WBP11: variants seen among roughly 807,000 people sequenced by gnomAD.
The protein encoded by WBP11 is WW domain-binding protein 11.
A neutral mutation model predicts 66.7 loss-of-function variants in WBP11; 12 were observed. The ratio of observed to expected loss-of-function variants is 0.18; its 90% CI spans 0.12 to 0.29. WBP11 has a LOEUF of 0.29. Among genes scored for constraint, WBP11 ranks in the 10% least tolerant of loss-of-function variants. WBP11 has a pLI of 1.00. For synonymous variants in WBP11, 255 were observed against 273.8 expected (o/e 0.93, Z 0.68); for missense variants, 555 against 818.3 (o/e 0.68, Z 3.93).
intron 3 of WBP11, among the ~76,000 whole-genome samples, chr12:14,800,503 C>A (rs1949949800): frequency 6.6e-6 from 1 of 151,852 alleles, no homozygotes; most frequent in African/African-American, 2.4e-5. Context: ...GAATTATTTT[C>A]AAAAGTATTT....
Position 14,799,413 on chromosome 12 carries a change from C to T in WBP11, c.190+222G>A, listed in dbSNP as rs188400998. ...TCTGTTATCTCACAATAACAATTAA[C>T]TGAAAGCCAAATAATCGCTTCCCTC... On this transcript the variant is annotated intron_variant, in intron 4 of 11. Transcript: ENST00000261167. 6.6e-4 allele frequency: 237 copies of T among 361,812 alleles called. 1 individual carries two copies. Among genetic ancestry groups the T allele is most frequent in the African/African-American group, 4.8e-3 (226 of 47,416 alleles). The allele number at this position is 361,812 out of a possible 1,614,324, so 22.4% of individuals were successfully genotyped here. A position where few individuals can be genotyped will look rare whatever the true frequency, so the allele number is the denominator to read the frequency against.
chr12:14,795,355 G>T (rs569596409), intron 5 of WBP11, among the ~76,000 whole-genome samples: 1 of 152,230 alleles, frequency 6.6e-6, no homozygotes, highest in Non-Finnish European at 1.5e-5. Context: ...CTTTTTGGAT[G>T]ATTCGAAACA....
chr12:14,794,821 T>C, intron 6 of WBP11, 85 bp from the exon 7 acceptor site: 1 of 1,538,972 alleles, frequency 6.5e-7, no homozygotes, highest in Non-Finnish European at 8.7e-7. Flanking sequence ...TTCTAAACAA[T>C]TTTCAAGGGA....
At position 14,786,871 on chromosome 12, in the gene WBP11, TG is replaced by T. The variant is rs1258500486; in HGVS notation, c.*193del. The T allele has an allele frequency of 1.7e-6, 1 of 583,824 alleles. No homozygotes were observed. Among genetic ancestry groups the T allele is most frequent in the East Asian group, 2.9e-5 (1 of 34,524 alleles). The allele number at this position is 583,824 out of a possible 1,614,324, so 36.2% of individuals were successfully genotyped here. A position where few individuals can be genotyped will look rare whatever the true frequency, so the allele number is the denominator to read the frequency against. On this transcript the variant is annotated 3_prime_UTR_variant, in exon 12 of 12. Coordinates refer to ENST00000261167, the MANE Select transcript of WBP11 (RefSeq NM_016312.3). ...ATGTTAGCAGCACTGCTTCAATAAC[TG>T]ATCTATTCTGGATGAAATACCCTTT...
chr12:14,802,298 C>T (rs192401518), intron 1 of WBP11, among the ~76,000 whole-genome samples: 1 of 152,098 alleles, frequency 6.6e-6, no homozygotes, highest in Non-Finnish European at 1.5e-5. Flanking sequence ...GTAATAAAGG[C>T]GGACAAATTT....
chr12:14,802,933 T>C (rs1949983730), intron 1 of WBP11, among the ~76,000 whole-genome samples: 1 of 152,168 alleles, frequency 6.6e-6, no homozygotes, highest in Non-Finnish European at 1.5e-5. Flanking sequence ...CAGATTAGTT[T>C]TTTGTCTACA....
chr12:14,793,290 T>C (rs1208964025), intron 8 of WBP11, among the ~76,000 whole-genome samples: 1 of 152,216 alleles, frequency 6.6e-6, no homozygotes, highest in Non-Finnish European at 1.5e-5. Flanking sequence ...ATATGTTTCA[T>C]GATTCCACTC....
intron 1 of WBP11, among the ~76,000 whole-genome samples, chr12:14,802,526 A>T (rs572856841): frequency 3.9e-5 from 6 of 152,310 alleles, no homozygotes; most frequent in African/African-American, 1.4e-4. Context: ...AAAAATGGGG[A>T]CATCAATTAC....
chr12:14,801,088 A>G (rs562633901), intron 2 of WBP11: 1 of 467,898 alleles, frequency 2.1e-6, no homozygotes, highest in Non-Finnish European at 3.7e-6. Context: ...ATATAAAAAG[A>G]AAGATTTCAG....
At position 14,786,279 on chromosome 12, in the gene WBP11, T is replaced by C. The variant is rs950495059; in HGVS notation, c.*786A>G. The C allele has an allele frequency of 6.6e-6, 1 of 152,204 alleles. No homozygotes were observed. Among genetic ancestry groups the C allele is most frequent in the African/African-American group, 2.4e-5 (1 of 41,458 alleles). The allele number at this position is 152,204 out of a possible 1,614,324, so 9.4% of individuals were successfully genotyped here. On this transcript the variant is annotated 3_prime_UTR_variant, in exon 12 of 12. Transcript: ENST00000261167. The stretch of plus-strand genomic sequence containing the variant: ...CACCTCTCAGTTTCTCTAAAGCCAG[T>C]ATGACAATCTTAAAAAAGGGAAATA...
rs1428040652 is a variant in WBP11 at position 14,799,651 on chromosome 12, C to T, written c.174G>A (p.Glu58=). 3.2e-5 allele frequency: 52 copies of T among 1,613,346 alleles called. No individual in the cohort carries two copies. The highest frequency in any genetic ancestry group is 4.2e-5 in the Non-Finnish European group (49 of 1,179,608). ...KDPKQIIRDM[E]KLDEMEFNPV... ...AATTCTTACCCATTTCATCCAATTT[C>T]TCCATGTCTCGGATTATCTGTTTTG... The change falls in exon 4 of 12, where the codon GAG becomes GAA. Residue 58 remains glutamate, a synonymous_variant. Coordinates refer to ENST00000261167, the MANE Select transcript of WBP11 (RefSeq NM_016312.3).
At position 14,796,175 on chromosome 12, in the gene WBP11, CTTT is replaced by C. The variant is rs943207078; in HGVS notation, c.387+629_387+631del. 6.6e-6 allele frequency among the ~76,000 whole-genome samples: 1 copy of C among 151,488 alleles called. No homozygotes were observed. The highest frequency in any genetic ancestry group is 1.5e-5 in the Non-Finnish European group (1 of 67,928). ...TTTTTGAGATTTACTCACAATTTTT[CTTT>C]TTTTATTCCATGCTGTTTTGAGTAT... On this transcript the variant is annotated intron_variant, in intron 5 of 11. Transcript: ENST00000261167. The surrounding 1 kb of genome is among the most constrained non-coding windows in gnomAD (Gnocchi z 4.5).
In WBP11 at chr12:14,789,209, A is replaced by G. The variant is rs1949792815; in HGVS notation, c.1310-76T>C. 7 of 1,345,524 alleles carry G rather than the reference A, an allele frequency of 5.2e-6. No homozygotes were observed. The Middle Eastern group carries it at 9.3e-4, about 179-fold the overall frequency. 83.3% of individuals were successfully genotyped at this position (1,345,524 alleles called of 1,614,324 possible). A position where few individuals can be genotyped will look rare whatever the true frequency, so the allele number is the denominator to read the frequency against. On this transcript the variant is annotated intron_variant, in intron 10 of 11. Transcript: ENST00000261167. ...ATAATTATGGCTTAAAAGTAACTCA[A>G]ATATGGTTTGACTTTAACCTGAAAT...
At chr12:14,799,790 G>T in intron 3 of WBP11, 62 bp from the exon 4 acceptor site, 1 of 1,485,890 alleles carries the variant, frequency 6.7e-7, no homozygotes, top group Non-Finnish European at 9.2e-7. Context: ...ACTTCAACTT[G>T]CTTTAAGAAT....
In WBP11 at chr12:14,787,326, C is replaced by T; in HGVS notation, c.1665G>A (p.Glu555=). ...KADDTSAATI[E]KKATATISAK... ...CACTGATGGTTGCTGTGGCTTTCTT[C>T]TCAATGGTGGCTGCACTTGTATCAT... Residue 555 remains glutamate, a synonymous_variant, in exon 12 of 12, where the codon GAG becomes GAA. Transcript: ENST00000261167. The T allele has an allele frequency of 6.2e-7, 1 of 1,613,980 alleles. No individual in the cohort carries two copies. The highest frequency in any genetic ancestry group is 8.5e-7 in the Non-Finnish European group (1 of 1,179,912).
intron 5 of WBP11, among the ~76,000 whole-genome samples, chr12:14,795,607 G>A (rs767166130): frequency 2.0e-5 from 3 of 152,132 alleles, no homozygotes; most frequent in Non-Finnish European, 2.9e-5. Context: ...GCGTGTGCCT[G>A]TAGTCCCAGC....
chr12:14,795,925 A>G (rs1949888981), intron 5 of WBP11, among the ~76,000 whole-genome samples: 1 of 149,758 alleles, frequency 6.7e-6, no homozygotes, highest in African/African-American at 2.5e-5. Context: ...TACAGAAATT[A>G]TAGCATTTGA....
At chr12:14,803,154 C>T (rs1173361636) in intron 1 of WBP11, among the ~76,000 whole-genome samples, 198 bp downstream of exon 1, 1 of 152,188 alleles carries the variant, frequency 6.6e-6, no homozygotes, top group African/African-American at 2.4e-5. Context: ...CCCCAACCGA[C>T]CCGGGCGATG....
At chr12:14,790,895 A>G (rs1949814498) in intron 9 of WBP11, 146 bp from the exon 10 acceptor site, 2 of 851,574 alleles carry the variant, frequency 2.3e-6, no homozygotes, top group Middle Eastern at 4.6e-4. Flanking sequence ...CTTAGATGTG[A>G]AAGAAATAAC....
Sources: allele counts gnomAD v4.1 joint callset (sites outside exome capture counted in the v4.1 genomes callset), GRCh38; gene constraint gnomAD v4.1.1; non-coding constraint Gnocchi (gnomAD v3.1); transcripts MANE v1.5; gene names NCBI Gene and HGNC (gene_info 2026-07-23, HGNC 2026-07-21).